The following ETFA variants were observed in gnomAD, a reference collection of about 807,000 sequenced individuals.
ETFA encodes the protein electron transfer flavoprotein subunit alpha, mitochondrial.
A neutral mutation model predicts 46.2 loss-of-function variants in ETFA; 22 were observed. The ratio of observed to expected loss-of-function variants is 0.48; its 90% confidence interval spans 0.34 to 0.68. The LOEUF is 0.68. Ranked by LOEUF, ETFA falls within the 30% of genes least tolerant of loss-of-function variation. The pLI, the probability that ETFA is intolerant of heterozygous loss-of-function variation, is 0.01. For missense variants in ETFA, 345 were observed against 401.1 expected (o/e 0.86, Z 1.19); for synonymous variants, 131 against 139.9 (o/e 0.94, Z 0.45).
At chr15:76,257,533 G>A (rs1415774056) in intron 9 of ETFA, among the ~76,000 whole-genome samples, 2 of 152,180 alleles carry the variant, frequency 1.3e-5, no homozygotes, top group African/African-American at 4.8e-5. Context: ...TGCTGGAGAG[G>A]ATGTGGAGAA....
In ETFA at chr15:76,294,077, C is replaced by T. The variant is rs552524348; in HGVS notation, c.187-1377G>A. Among the ~76,000 whole-genome samples the T allele has an allele frequency of 1.1e-3, 170 of 152,326 alleles. 5 individuals are homozygous for T. The South Asian group carries it at 0.032, about 29-fold the overall frequency. On this transcript the variant is annotated intron_variant, in intron 2 of 11. Coordinates refer to ENST00000557943, the MANE Select transcript of ETFA (RefSeq NM_000126.4). Reference sequence around the variant, plus strand: ...TGGTATAAAACCGAACTCTATTAAACGATCTCTTCATACAGGTACTGGTTG... The same window carrying T: ...TGGTATAAAACCGAACTCTATTAAATGATCTCTTCATACAGGTACTGGTTG...
chr15:76,246,422 AACAG>A (rs1220468549), intron 9 of ETFA, among the ~76,000 whole-genome samples: 1 of 152,230 alleles, frequency 6.6e-6, no homozygotes, highest in African/African-American at 2.4e-5. Context: ...ATCCACTAAA[AACAG>A]ACAGCCAACA....
At chr15:76,290,020 C>T (rs1041486104) in intron 4 of ETFA, among the ~76,000 whole-genome samples, 4 of 152,070 alleles carry the variant, frequency 2.6e-5, no homozygotes, top group Admixed American at 6.6e-5. Context: ...AGAGACAGAA[C>T]GGTCCACAAA....
rs548701046 is a variant in ETFA at position 76,311,444 on chromosome 15, G to T, written c.-56C>A. Reference sequence around the variant, plus strand: ...ACAGCAGCCCCGTGCCCGGCCAACTGGCGCCGCCTCAGCCAGTCACCTAAT... The same window carrying T: ...ACAGCAGCCCCGTGCCCGGCCAACTTGCGCCGCCTCAGCCAGTCACCTAAT... On this transcript the variant is annotated 5_prime_UTR_variant, in exon 1 of 12. Coordinates refer to ENST00000557943, the MANE Select transcript of ETFA (RefSeq NM_000126.4). 2.2e-4 allele frequency: 344 copies of T among 1,541,538 alleles called. No individual in the cohort carries two copies. Among genetic ancestry groups the T allele is most frequent in the Non-Finnish European group, 2.9e-4 (330 of 1,144,618 alleles).
At chr15:76,290,211 T>C (rs1372963797) in intron 4 of ETFA, among the ~76,000 whole-genome samples, 2 of 152,172 alleles carry the variant, frequency 1.3e-5, no homozygotes, top group African/African-American at 4.8e-5. Context: ...TGCATGACCA[T>C]GTTTTCTTGC....
intron 9 of ETFA, among the ~76,000 whole-genome samples, chr15:76,244,984 GCAAT>G (rs2039231084): frequency 6.6e-6 from 1 of 152,180 alleles, no homozygotes; most frequent in Non-Finnish European, 1.5e-5. Context: ...AATGTTTAGA[GCAAT>G]CAGTCTAGTA....
chr15:76,260,072 T>C (rs2039390514), intron 9 of ETFA: 1 of 1,502,092 alleles, frequency 6.7e-7, no homozygotes, highest in African/African-American at 1.4e-5. Flanking sequence ...ATAGCCACTT[T>C]CACAAAGGAG....
chr15:76,258,925 G>C (rs1244908916), intron 9 of ETFA: 1 of 1,168,412 alleles, frequency 8.6e-7, no homozygotes, highest in African/African-American at 1.5e-5. Context: ...ACAGGGCTTT[G>C]TCAGCCAGCA....
chr15:76,308,041 G>T (rs1326519112), intron 1 of ETFA, among the ~76,000 whole-genome samples: 1 of 151,908 alleles, frequency 6.6e-6, no homozygotes, highest in Non-Finnish European at 1.5e-5. Flanking sequence ...GATTGAATGG[G>T]CCCCACTTTA....
At chr15:76,299,538 C>A (rs2039860547) in intron 1 of ETFA, among the ~76,000 whole-genome samples, 1 of 152,124 alleles carries the variant, frequency 6.6e-6, no homozygotes, top group Admixed American at 6.5e-5. Context: ...GCACCTTGGC[C>A]TCCCAGAGTG....
chr15:76,255,560 G>A (rs964014315), intron 9 of ETFA, among the ~76,000 whole-genome samples: 14 of 152,200 alleles, frequency 9.2e-5, no homozygotes, highest in African/African-American at 2.9e-4. Context: ...ATATTTAGCT[G>A]TAAACATGAA....
At chr15:76,299,106 G>A (rs1022201492) in intron 1 of ETFA, among the ~76,000 whole-genome samples, 3 of 152,074 alleles carry the variant, frequency 2.0e-5, no homozygotes, top group African/African-American at 4.8e-5. Context: ...AAGGAATCTC[G>A]ATCTCTTCAA....
chr15:76,226,810 C>T (rs951097913), intron 10 of ETFA, among the ~76,000 whole-genome samples: 4 of 152,080 alleles, frequency 2.6e-5, no homozygotes, highest in Non-Finnish European at 5.9e-5. Flanking sequence ...ACCCAGGAGG[C>T]GGAGGTTGCA....
At chr15:76,231,492 G>A in intron 9 of ETFA, 94 bp from the exon 10 acceptor site, 4 of 760,084 alleles carry the variant, frequency 5.3e-6, no homozygotes, top group Admixed American at 2.5e-5. Flanking sequence ...TTAGGCAAAA[G>A]ATATGTTAAA....
At chr15:76,260,230 C>A in intron 9 of ETFA, 1 of 1,250,536 alleles carries the variant, frequency 8.0e-7, no homozygotes, top group Non-Finnish European at 1.2e-6. Context: ...TCCAATGTGG[C>A]CTCGATGCAC....
At chr15:76,265,239 T>C (rs2141502309) in intron 9 of ETFA, among the ~76,000 whole-genome samples, 1 of 152,340 alleles carries the variant, frequency 6.6e-6, no homozygotes, top group African/African-American at 2.4e-5. Flanking sequence ...AAGGTGTCAC[T>C]GTGCATATGG....
At chr15:76,217,023 C>G (rs914637456) in intron 11 of ETFA, among the ~76,000 whole-genome samples, 4 of 151,814 alleles carry the variant, frequency 2.6e-5, no homozygotes, top group Non-Finnish European at 5.9e-5. Context: ...CGTCATGTTG[C>G]CCAGGCTAGT....
intron 8 of ETFA, 115 bp downstream of exon 8, chr15:76,283,642 T>C (rs1470190383): frequency 2.0e-5 from 16 of 798,178 alleles, no homozygotes; most frequent in African/African-American, 1.6e-4. Flanking sequence ...AACTGAAAAA[T>C]CCGGAAAAGT....
At chr15:76,224,010 T>A (rs1475696340) in intron 11 of ETFA, among the ~76,000 whole-genome samples, 1 of 152,214 alleles carries the variant, frequency 6.6e-6, no homozygotes, top group South Asian at 2.1e-4. Flanking sequence ...ACAAGTTTAT[T>A]AAAATATTCT....
Sources: allele counts gnomAD v4.1 joint callset (sites outside exome capture counted in the v4.1 genomes callset), GRCh38; gene constraint gnomAD v4.1.1; transcripts MANE v1.5; gene names NCBI Gene and HGNC (gene_info 2026-07-23, HGNC 2026-07-21).